Variants in LEPR observed in about 807,000 individuals in gnomAD.
The protein encoded by LEPR is OB receptor.
In LEPR, 56 loss-of-function variants were observed where a neutral mutation model predicts 114.7. That is an observed-to-expected ratio of 0.49 (90% CI 0.39 to 0.61). The LOEUF is 0.61. Among genes scored for constraint, LEPR ranks in the 20% least tolerant of loss-of-function variants. The pLI is 0.00. For missense variants in LEPR, 1,202 were observed against 1,352.9 expected, an observed-to-expected ratio of 0.89 and a Z score of 1.75; for synonymous variants, 443 against 461.4, an observed-to-expected ratio of 0.96 and a Z score of 0.51.
chr1:65,549,948 C>T (rs919528456), intron 2 of LEPR, among the ~76,000 whole-genome samples: 5 of 152,132 alleles, frequency 3.3e-5, no homozygotes, highest in Non-Finnish European at 7.3e-5. Context: ...GTGGTTTTAT[C>T]TACTTTTGGT....
chr1:65,544,609 T>C (rs1557651505), intron 2 of LEPR, among the ~76,000 whole-genome samples: 1 of 151,742 alleles, frequency 6.6e-6, no homozygotes, highest in South Asian at 2.1e-4. Flanking sequence ...TTAGATATGT[T>C]CCATCAATAC....
chr1:65,525,600 C>T (rs1649891149), intron 2 of LEPR: 2 of 983,650 alleles, frequency 2.0e-6, no homozygotes, highest in South Asian at 9.4e-5. Flanking sequence ...CGACTCTTCC[C>T]TCCCTTCTCC....
chr1:65,637,067 A>G lies in LEPR; in HGVS notation c.*52A>G, dbSNP rs1411762723. On this transcript the variant is annotated 3_prime_UTR_variant, in exon 20 of 20. Coordinates refer to ENST00000349533, the MANE Select transcript of LEPR (RefSeq NM_002303.6). ...TGTTATAATGGGTAATATAAAGTGT[A>G]ATAGATTATAGTTGTGGGTGGGAGA... 1 of 1,555,138 alleles carries G rather than the reference A, an allele frequency of 6.4e-7. No homozygotes were observed. Among genetic ancestry groups the G allele is most frequent in the South Asian group, 1.1e-5 (1 of 88,124 alleles).
chr1:65,632,050 T>A (rs1658544725), intron 19 of LEPR, among the ~76,000 whole-genome samples: 1 of 152,186 alleles, frequency 6.6e-6, no homozygotes, highest in Non-Finnish European at 1.5e-5. Flanking sequence ...AACAACTTCC[T>A]TTAGCGGGGC....
chr1:65,453,092 G>A (rs1353893699), intron 2 of LEPR, among the ~76,000 whole-genome samples: 1 of 152,084 alleles, frequency 6.6e-6, no homozygotes, highest in Non-Finnish European at 1.5e-5. Context: ...ATTCTCTGAT[G>A]GTAGTTTGTA....
At chr1:65,634,612 T>G in intron 19 of LEPR, 1 of 963,392 alleles carries the variant, frequency 1.0e-6, no homozygotes, top group South Asian at 4.8e-5. Flanking sequence ...GTATTTGCTT[T>G]CAACAGTTAC....
At chr1:65,493,595 T>C (rs1647992217) in intron 2 of LEPR, among the ~76,000 whole-genome samples, 1 of 152,132 alleles carries the variant, frequency 6.6e-6, no homozygotes, top group African/African-American at 2.4e-5. Flanking sequence ...ATCTTAACCA[T>C]ATAGTTCAAT....
At chr1:65,445,087 G>A (rs1646697060) in intron 2 of LEPR, among the ~76,000 whole-genome samples, 1 of 152,182 alleles carries the variant, frequency 6.6e-6, no homozygotes, top group African/African-American at 2.4e-5. Context: ...GAGAGCAGAA[G>A]TAGGTGTTAT....
At chr1:65,522,561 C>T (rs907343015) in intron 2 of LEPR, among the ~76,000 whole-genome samples, 3 of 152,140 alleles carry the variant, frequency 2.0e-5, no homozygotes, top group South Asian at 2.1e-4. Context: ...GGAAAGAAAA[C>T]GGAGTCATTC....
At chr1:65,444,124 C>T (rs1206898879) in intron 2 of LEPR, among the ~76,000 whole-genome samples, 1 of 27,272 alleles carries the variant, frequency 3.7e-5, no homozygotes, top group East Asian at 3.0e-4. Context: ...GACCCCACCA[C>T]AGTCCCCAGA....
intron 2 of LEPR, among the ~76,000 whole-genome samples, chr1:65,547,783 AG>A (rs1330278040): frequency 9.2e-6 from 1 of 108,798 alleles, no homozygotes; most frequent in East Asian, 2.0e-4. Flanking sequence ...AATTTTTTGA[AG>A]GGTTTTTTGT....
At chr1:65,491,382 T>A (rs935810056) in intron 2 of LEPR, among the ~76,000 whole-genome samples, 2 of 152,118 alleles carry the variant, frequency 1.3e-5, no homozygotes, top group Non-Finnish European at 2.9e-5. Context: ...CTATTTGGGT[T>A]TAGATTGTAA....
chr1:65,607,321 C>G (rs965672491), intron 11 of LEPR, among the ~76,000 whole-genome samples: 1 of 152,142 alleles, frequency 6.6e-6, no homozygotes, highest in African/African-American at 2.4e-5. Flanking sequence ...TTTAGATTGT[C>G]CACTGGCAGG....
At chr1:65,525,568 G>C in intron 2 of LEPR, 1 of 943,690 alleles carries the variant, frequency 1.1e-6, no homozygotes, top group Non-Finnish European at 1.3e-6. Context: ...CGGAGGGCGC[G>C]GGGCGCACGC....
intron 2 of LEPR, among the ~76,000 whole-genome samples, chr1:65,543,976 T>G (rs1450540938): frequency 6.6e-6 from 1 of 152,052 alleles, no homozygotes; most frequent in Non-Finnish European, 1.5e-5. Context: ...ATATGAAATT[T>G]AAAGTAGTTT....
intron 2 of LEPR, among the ~76,000 whole-genome samples, chr1:65,478,760 G>A (rs995925382): frequency 1.8e-4 from 28 of 152,154 alleles, no homozygotes; most frequent in Admixed American, 6.6e-4. Flanking sequence ...TGAGATCAGC[G>A]CCAGTGAATC....
At chr1:65,586,352 T>G (rs1655316987) in intron 5 of LEPR, among the ~76,000 whole-genome samples, 1 of 152,060 alleles carries the variant, frequency 6.6e-6, no homozygotes, top group African/African-American at 2.4e-5. Flanking sequence ...TTAATGTGCT[T>G]TCTCTATTTT....
rs1323874470 is a variant in LEPR at position 65,550,964 on chromosome 1, CT to C, written c.-20-14581del. On this transcript the variant is annotated intron_variant, in intron 2 of 19. Transcript: ENST00000349533. Reference sequence around the variant, plus strand: ...TGTTCCTATTCGGCCACCTTGGCTCCTCCCCCCATCATGTGGTTTTTGTCAT... The same window carrying C: ...TGTTCCTATTCGGCCACCTTGGCTCCCCCCCCATCATGTGGTTTTTGTCAT... 2.0e-5 allele frequency among the ~76,000 whole-genome samples: 3 copies of C among 151,818 alleles called. No homozygotes were observed. In the East Asian group the frequency reaches 5.8e-4, roughly 30 times the overall value.
Position 65,500,328 on chromosome 1 carries a change from C to T in LEPR, c.-20-65218C>T, listed in dbSNP as rs749812707. Among the ~76,000 whole-genome samples the T allele has an allele frequency of 2.0e-5, 3 of 152,110 alleles. No homozygotes were observed. In the East Asian group the frequency reaches 5.8e-4, roughly 29 times the overall value. ...TATAAAGACCCTATGTTATATTGGC[C>T]AGTTCCTCAATATGTTCTGAAATAT... On this transcript the variant is annotated intron_variant, in intron 2 of 19. Coordinates refer to ENST00000349533, the MANE Select transcript of LEPR (RefSeq NM_002303.6).
Sources: allele counts gnomAD v4.1 joint callset (sites outside exome capture counted in the v4.1 genomes callset), GRCh38; gene constraint gnomAD v4.1.1; transcripts MANE v1.5; gene names NCBI Gene and HGNC (gene_info 2026-07-23, HGNC 2026-07-21).